The following RNF180 variants were observed in gnomAD, a reference collection of about 807,000 sequenced individuals.
RNF180 encodes E3 ubiquitin-protein ligase RNF180.
A neutral mutation model predicts 59.2 loss-of-function variants in RNF180; 38 were observed. The observed-to-expected ratio is 0.64, with a 90% CI of 0.50 to 0.84. The LOEUF (loss-of-function observed/expected upper bound fraction) is 0.84, where lower values mean the gene tolerates loss of function less well. RNF180 is among the 40% of genes least tolerant of loss of function. The pLI, the probability that RNF180 is intolerant of heterozygous loss-of-function variation, is 0.00. For synonymous variants in RNF180, 262 were observed against 240.3 expected, an observed-to-expected ratio of 1.09 and a Z score of -0.84; for missense variants, 705 against 700.9, an observed-to-expected ratio of 1.01 and a Z score of -0.07.
intron 7 of RNF180, among the ~76,000 whole-genome samples, chr5:64,351,403 C>T (rs1328080430): frequency 3.9e-5 from 6 of 152,066 alleles, no homozygotes; most frequent in Admixed American, 6.6e-5. Context: ...ATTTATTTCT[C>T]CTGCCTGATT....
chr5:64,177,013 G>A (rs1339401544), intron 1 of RNF180, among the ~76,000 whole-genome samples: 1 of 152,188 alleles, frequency 6.6e-6, no homozygotes. Flanking sequence ...GAAATTAACT[G>A]CATAAGGAGA....
intron 2 of RNF180, among the ~76,000 whole-genome samples, chr5:64,206,280 C>G (rs1752013009): frequency 6.6e-6 from 1 of 152,166 alleles, no homozygotes; most frequent in South Asian, 2.1e-4. Flanking sequence ...GAGGGATGGT[C>G]AAACACTTAC....
At chr5:64,225,673 G>T (rs540354643) in intron 5 of RNF180, among the ~76,000 whole-genome samples, 3 of 127,326 alleles carry the variant, frequency 2.4e-5, no homozygotes, top group Non-Finnish European at 4.9e-5. Context: ...CTGCCCGGCT[G>T]CCCCGTCTGG....
chr5:64,350,113 A>T (rs1580294709), intron 7 of RNF180, among the ~76,000 whole-genome samples: 1 of 152,072 alleles, frequency 6.6e-6, no homozygotes, highest in Non-Finnish European at 1.5e-5. Flanking sequence ...CCATTCTAAC[A>T]GGTGTGAGAT....
At position 64,270,002 on chromosome 5, in the gene RNF180, C is replaced by T. The variant is rs558428025; in HGVS notation, c.1227+52606C>T. Among the ~76,000 whole-genome samples the T allele has an allele frequency of 5.4e-5, 8 of 149,354 alleles. 1 individual carries two copies. The highest frequency in any genetic ancestry group is 1.2e-4 in the Non-Finnish European group (8 of 67,578). On this transcript the variant is annotated intron_variant, in intron 5 of 7. Transcript: ENST00000389100. Reference sequence around the variant, plus strand: ...TTCTGATATAAGTTACCTATTCTGTCTCTTCCTCCTTCCCAGTAACAATAA... The same window carrying T: ...TTCTGATATAAGTTACCTATTCTGTTTCTTCCTCCTTCCCAGTAACAATAA...
chr5:64,311,534 G>A (rs900948751), intron 5 of RNF180, among the ~76,000 whole-genome samples: 1 of 151,904 alleles, frequency 6.6e-6, no homozygotes, highest in Non-Finnish European at 1.5e-5. Flanking sequence ...CCTCTTTCCT[G>A]TTTTATCTTT....
chr5:64,284,849 T>C (rs189348778), intron 5 of RNF180, among the ~76,000 whole-genome samples: 1 of 152,346 alleles, frequency 6.6e-6, no homozygotes, highest in Admixed American at 6.5e-5. Flanking sequence ...TGCTTAAGAA[T>C]CATTGCTGGG....
chr5:64,201,950 AG>A (rs1250510713), intron 2 of RNF180, among the ~76,000 whole-genome samples: 2 of 152,232 alleles, frequency 1.3e-5, no homozygotes, highest in African/African-American at 4.8e-5. Flanking sequence ...CATATTGGTC[AG>A]GCTGGTCTCG....
At position 64,217,343 on chromosome 5, in the gene RNF180, A is replaced by G. The variant is rs759405698; in HGVS notation, c.1192-18A>G. ...CATGTGCTTATTTTTGTGTGAACCT[A>G]ATTTTTTATTTCTCTAGGGTAAATA... On this transcript the variant is annotated intron_variant, in intron 4 of 7. Transcript: ENST00000389100. 4.3e-6 allele frequency: 6 copies of G among 1,394,810 alleles called. No homozygotes were observed. The African/African-American group carries it at 7.4e-5, about 17-fold the overall frequency. The allele number at this position is 1,394,810 out of a possible 1,614,324, so 86.4% of individuals were successfully genotyped here. A position where few individuals can be genotyped will look rare whatever the true frequency, so the allele number is the denominator to read the frequency against.
At chr5:64,276,546 GA>G (rs1431976061) in intron 5 of RNF180, among the ~76,000 whole-genome samples, 20 of 151,986 alleles carry the variant, frequency 1.3e-4, no homozygotes, top group South Asian at 4.1e-4. Flanking sequence ...AACAGATCTA[GA>G]ACCAGTGGAC....
rs1302445153 is a variant in RNF180, at chr5:64,364,443, G to A, written c.1580-5172G>A. Among the ~76,000 whole-genome samples, 6 of 151,836 alleles carry A rather than the reference G, an allele frequency of 4.0e-5. No individual in the cohort carries two copies. In the South Asian group the frequency reaches 6.2e-4, roughly 16 times the overall value. On this transcript the variant is annotated intron_variant, in intron 7 of 7. Coordinates refer to ENST00000389100, the MANE Select transcript of RNF180 (RefSeq NM_001113561.2). ...AAGCCTACTTGTTTGTGGTGGACTC[G>A]CTTTTTGATGTGCTGATAAATTCAA... is the stretch of plus-strand genomic sequence containing the variant.
At chr5:64,256,572 G>A (rs959612729) in intron 5 of RNF180, among the ~76,000 whole-genome samples, 7 of 152,042 alleles carry the variant, frequency 4.6e-5, no homozygotes, top group African/African-American at 1.7e-4. Context: ...TCTCTGTTTT[G>A]GTACCAGTAC....
At chr5:64,311,331 C>T (rs1743754261) in intron 5 of RNF180, among the ~76,000 whole-genome samples, 1 of 151,972 alleles carries the variant, frequency 6.6e-6, no homozygotes, top group Non-Finnish European at 1.5e-5. Flanking sequence ...ATCTGCATCA[C>T]ACATTGGAAT....
chr5:64,348,107 A>G (rs2112576269), intron 7 of RNF180, among the ~76,000 whole-genome samples: 1 of 152,208 alleles, frequency 6.6e-6, no homozygotes, highest in South Asian at 2.1e-4. Flanking sequence ...ATATAATGCA[A>G]GGTTATATAT....
chr5:64,189,835 G>A (rs551780248), intron 1 of RNF180, among the ~76,000 whole-genome samples: 11 of 152,202 alleles, frequency 7.2e-5, no homozygotes, highest in African/African-American at 2.6e-4. Context: ...CTGCCATTTT[G>A]GATTAAAGGA....
chr5:64,194,298 T>G (rs1239102178), intron 1 of RNF180, among the ~76,000 whole-genome samples: 4 of 152,306 alleles, frequency 2.6e-5, no homozygotes, highest in Non-Finnish European at 4.4e-5. Flanking sequence ...AATGATGGTT[T>G]CCAGCTTCAT....
intron 7 of RNF180, among the ~76,000 whole-genome samples, chr5:64,361,271 A>G (rs796827363): frequency 6.7e-6 from 1 of 149,756 alleles, no homozygotes; most frequent in East Asian, 2.0e-4. Context: ...GTATCAAAAA[A>G]CCAGTATTAA....
intron 7 of RNF180, among the ~76,000 whole-genome samples, chr5:64,352,194 G>T (rs1019915954): frequency 2.0e-5 from 3 of 151,954 alleles, no homozygotes; most frequent in Non-Finnish European, 2.9e-5. Context: ...TTGCATAGAG[G>T]TGTTTATAGT....
chr5:64,277,532 T>C (rs1741790293), intron 5 of RNF180, among the ~76,000 whole-genome samples: 1 of 152,062 alleles, frequency 6.6e-6, no homozygotes. Context: ...AGGTAGGGGC[T>C]GGGCAGGTGG....
Sources: gnomAD v4.1 joint callset for allele counts (sites outside exome capture counted in the v4.1 genomes callset) on GRCh38, gnomAD v4.1.1 for gene constraint, MANE v1.5 for transcripts, NCBI Gene and HGNC (gene_info 2026-07-23, HGNC 2026-07-21) for gene names.